The following KDM4C variants were observed in gnomAD, a reference collection of about 807,000 sequenced individuals.
KDM4C encodes the protein lysine-specific demethylase 4C.
KDM4C carries 81 observed loss-of-function variants against 129.3 expected under a neutral mutation model. The observed-to-expected ratio is 0.63, with a 90% CI of 0.52 to 0.75. The LOEUF (loss-of-function observed/expected upper bound fraction) is 0.75. KDM4C is among the 30% of genes least tolerant of loss of function. KDM4C has a pLI of 0.00. For synonymous variants in KDM4C, 573 were observed against 456.1 expected, an observed-to-expected ratio of 1.26 and a Z score of -3.26; for missense variants, 1,457 against 1,304.0, an observed-to-expected ratio of 1.12 and a Z score of -1.81.
intron 15 of KDM4C, among the ~76,000 whole-genome samples, chr9:7,016,563 C>T (rs1321779742): frequency 6.6e-6 from 1 of 150,892 alleles, no homozygotes; most frequent in Non-Finnish European, 1.5e-5. Context: ...GTATCTGGGA[C>T]TACGGGCGCC....
At chr9:6,893,406 C>G (rs1389317616) in intron 8 of KDM4C, 174 bp downstream of exon 8, 1 of 428,344 alleles carries the variant, frequency 2.3e-6, no homozygotes, top group African/African-American at 2.1e-5. Context: ...CCAATATTAC[C>G]AATTTTAGCT....
intron 12 of KDM4C, 133 bp from the exon 13 acceptor site, chr9:7,011,565 T>G (rs1822697119): frequency 1.3e-6 from 1 of 761,208 alleles, no homozygotes; most frequent in Non-Finnish European, 2.2e-6. Flanking sequence ...CAGGATGTAT[T>G]TGAAAGACAA....
chr9:6,736,625 A>G (rs756824401), intron 1 of KDM4C, among the ~76,000 whole-genome samples: 21 of 152,178 alleles, frequency 1.4e-4, no homozygotes, highest in African/African-American at 2.4e-4. Context: ...GGGAACCTCA[A>G]TTAGGAAGTC....
chr9:6,789,218 A>ATTTT (rs71308871), intron 1 of KDM4C, among the ~76,000 whole-genome samples: 2 of 117,304 alleles, frequency 1.7e-5, no homozygotes, highest in Non-Finnish European at 3.3e-5. Flanking sequence ...CGCCTGGCTA[A>ATTTT]TTTTTTTTTT....
At chr9:7,078,457 T>C (rs749164401) in intron 17 of KDM4C, among the ~76,000 whole-genome samples, 20 of 152,066 alleles carry the variant, frequency 1.3e-4, no homozygotes, top group Non-Finnish European at 2.8e-4. Context: ...TTTAAAATGC[T>C]GGACACATTT....
At chr9:6,757,608 T>C (rs930167241), upstream of KDM4C, 1 of 985,186 alleles carries the variant, frequency 1.0e-6, no homozygotes, top group Non-Finnish European at 1.2e-6. Flanking sequence ...TCCACCCCGG[T>C]AACGCCACGC....
chr9:7,035,772 C>G (rs955403091), intron 15 of KDM4C, among the ~76,000 whole-genome samples: 22 of 152,080 alleles, frequency 1.4e-4, no homozygotes, highest in Non-Finnish European at 3.1e-4. Flanking sequence ...TTCATGGCAC[C>G]TTTGTCCAAA....
At chr9:6,947,530 A>G (rs776696164) in intron 8 of KDM4C, among the ~76,000 whole-genome samples, 16 of 152,072 alleles carry the variant, frequency 1.1e-4, no homozygotes, top group South Asian at 2.1e-4. Flanking sequence ...GTATATTACA[A>G]TGTTATAGTC....
intron 1 of KDM4C, among the ~76,000 whole-genome samples, chr9:6,724,687 C>G (rs1009802106): frequency 2.6e-5 from 4 of 152,068 alleles, no homozygotes; most frequent in African/African-American, 9.7e-5. Context: ...CGCACCACAA[C>G]GCCCAGCTAA....
intron 11 of KDM4C, among the ~76,000 whole-genome samples, chr9:6,987,065 T>C (rs1375573364): frequency 6.6e-6 from 1 of 152,202 alleles, no homozygotes; most frequent in Admixed American, 6.5e-5. Flanking sequence ...TCGACATTGA[T>C]ACAGTAAAGA....
chr9:6,884,881 T>C (rs1161177211), intron 6 of KDM4C, among the ~76,000 whole-genome samples: 2 of 152,258 alleles, frequency 1.3e-5, no homozygotes, highest in Non-Finnish European at 2.9e-5. Flanking sequence ...TTATAAACTA[T>C]AAACCAGTTG....
At chr9:6,843,271 G>C (rs1015912610) in intron 4 of KDM4C, among the ~76,000 whole-genome samples, 1 of 152,234 alleles carries the variant, frequency 6.6e-6, no homozygotes, top group Admixed American at 6.5e-5. Context: ...AGCCCTCTTT[G>C]AAGTGGAATG....
intron 19 of KDM4C, among the ~76,000 whole-genome samples, chr9:7,143,655 ATTC>A (rs1203926857): frequency 2.0e-5 from 3 of 152,200 alleles, no homozygotes; most frequent in Non-Finnish European, 4.4e-5. Flanking sequence ...AAACAGCAAA[ATTC>A]TTCTTAATTT....
rs184438886 is a variant in KDM4C at position 6,884,951 on chromosome 9, C to G, written c.680-3009C>G. 2.6e-4 allele frequency among the ~76,000 whole-genome samples: 39 copies of G among 152,324 alleles called. 1 individual carries two copies. Among genetic ancestry groups the G allele is most frequent in the Admixed American group, 2.5e-3 (39 of 15,306 alleles). ...CACACCTGTTCCATATTTTTAGACA[C>G]ATCCACTCTATTTCAAAAATAGTTT... On this transcript the variant is annotated intron_variant, in intron 6 of 21. Transcript: ENST00000381309.
chr9:7,010,469 T>C (rs1822485583), intron 12 of KDM4C, among the ~76,000 whole-genome samples: 2 of 152,182 alleles, frequency 1.3e-5, no homozygotes, highest in South Asian at 2.1e-4. Flanking sequence ...AACAGGTAAG[T>C]CAACATGGGA....
At chr9:6,830,763 T>G (rs1834681136) in intron 4 of KDM4C, among the ~76,000 whole-genome samples, 1 of 152,234 alleles carries the variant, frequency 6.6e-6, no homozygotes, top group Admixed American at 6.5e-5. Flanking sequence ...TTAGGCTGTT[T>G]TTCTTTATGA....
intron 1 of KDM4C, among the ~76,000 whole-genome samples, chr9:6,748,094 A>C (rs1817939568): frequency 6.6e-6 from 1 of 151,806 alleles, no homozygotes; most frequent in Non-Finnish European, 1.5e-5. Context: ...TTAATCCGGG[A>C]GGCAGAGGTT....
chr9:6,749,868 C>G (rs367582044), intron 1 of KDM4C, among the ~76,000 whole-genome samples: 1 of 150,720 alleles, frequency 6.6e-6, no homozygotes, highest in Non-Finnish European at 1.5e-5. Context: ...TGCCTGTAAT[C>G]GCAGCTACTT....
At chr9:7,174,449 TG>T (rs1845261932) in intron 21 of KDM4C, 103 bp from the exon 22 acceptor site, 2 of 1,055,536 alleles carry the variant, frequency 1.9e-6, no homozygotes, top group Non-Finnish European at 2.8e-6. Context: ...GCTGGTGACC[TG>T]GGCATCTGCA....
Sources: allele counts gnomAD v4.1 joint callset (sites outside exome capture counted in the v4.1 genomes callset), GRCh38; gene constraint gnomAD v4.1.1; transcripts MANE v1.5; gene names NCBI Gene and HGNC (gene_info 2026-07-23, HGNC 2026-07-21).